KCTD10: variants seen among roughly 807,000 people sequenced by gnomAD.
KCTD10 encodes the protein BTB/POZ domain-containing adapter for CUL3-mediated RhoA degradation protein 3.
Under a neutral mutation model 34.6 loss-of-function variants are expected in KCTD10, and 13 were observed. That is an observed-to-expected ratio of 0.38 (90% confidence interval 0.24 to 0.60). The LOEUF (loss-of-function observed/expected upper bound fraction) is 0.60. KCTD10 is among the 20% of genes least tolerant of loss of function. KCTD10 has a pLI of 0.66. For missense variants in KCTD10, 256 were observed against 420.3 expected (o/e 0.61, Z 3.42); for synonymous variants, 156 against 168.8 (o/e 0.92, Z 0.59).
intron 6 of KCTD10, among the ~76,000 whole-genome samples, chr12:109,452,822 G>A (rs1162222023): frequency 2.1e-5 from 3 of 143,926 alleles, no homozygotes; most frequent in Non-Finnish European, 4.5e-5. Context: ...AGAGAGGCTG[G>A]GAGGAAATCC....
rs112160404 is a variant in KCTD10 at position 109,460,326 on chromosome 12, A to G, written c.387+310T>C. The G allele has an allele frequency of 2.0e-5, 6 of 301,586 alleles. 1 individual carries two copies. The highest frequency in any genetic ancestry group is 1.1e-4 in the African/African-American group (5 of 46,600). 18.7% of individuals were successfully genotyped at this position (301,586 alleles called of 1,614,324 possible). A position where few individuals can be genotyped will look rare whatever the true frequency, so the allele number is the denominator to read the frequency against. The stretch of plus-strand genomic sequence containing the variant: ...GACTTGTGGGACTAGAGTAAGCCCT[A>G]AGATTGGTCCCGAACACCGACCAAG... On this transcript the variant is annotated intron_variant, in intron 3 of 6. Coordinates refer to ENST00000228495, the MANE Select transcript of KCTD10 (RefSeq NM_031954.5). The surrounding 1 kb of genome is among the most constrained non-coding windows in gnomAD (Gnocchi z 4.5).
chr12:109,464,120 C>T (rs780035801), intron 2 of KCTD10, among the ~76,000 whole-genome samples: 10 of 152,212 alleles, frequency 6.6e-5, no homozygotes, highest in Admixed American at 1.3e-4. Context: ...CCACCACCTC[C>T]AGGGAACCTT....
intron 6 of KCTD10, 39 bp downstream of exon 6, chr12:109,456,079 C>T: frequency 6.3e-7 from 1 of 1,597,654 alleles, no homozygotes; most frequent in Non-Finnish European, 8.6e-7. Context: ...GTGTGTGTTT[C>T]AGAACAGCCA....
chr12:109,466,351 C>T (rs997652232), intron 2 of KCTD10, among the ~76,000 whole-genome samples: 2 of 152,228 alleles, frequency 1.3e-5, no homozygotes, highest in Non-Finnish European at 2.9e-5. Context: ...CTGTGGCAAG[C>T]GCTTTCTCAT....
At chr12:109,475,244 C>T (rs1874102189) in intron 1 of KCTD10, among the ~76,000 whole-genome samples, 1 of 151,868 alleles carries the variant, frequency 6.6e-6, no homozygotes. Context: ...GAGGCTGAGG[C>T]GGGAGGATTG....
At chr12:109,458,276 C>A in intron 3 of KCTD10, 198 bp from the exon 4 acceptor site, 1 of 568,998 alleles carries the variant, frequency 1.8e-6, no homozygotes. Context: ...TTGGCTATGA[C>A]CATGATAGGC....
At chr12:109,462,402 A>T (rs920149944) in intron 2 of KCTD10, among the ~76,000 whole-genome samples, 4 of 152,248 alleles carry the variant, frequency 2.6e-5, no homozygotes, top group African/African-American at 9.6e-5. Flanking sequence ...GGGGAAATGC[A>T]ATACAAATGT....
intron 5 of KCTD10, 85 bp from the exon 6 acceptor site, chr12:109,456,398 T>C (rs757204887): frequency 1.7e-6 from 2 of 1,173,732 alleles, no homozygotes; most frequent in African/African-American, 3.0e-5. Flanking sequence ...AGGGCCCTAC[T>C]GAGCCCACTT....
At position 109,451,424 on chromosome 12, in the gene KCTD10, G is replaced by A; in HGVS notation, c.*171C>T. 1 of 633,660 alleles carries A rather than the reference G, an allele frequency of 1.6e-6. No individual in the cohort carries two copies. Among genetic ancestry groups the A allele is most frequent in the South Asian group, 2.2e-5 (1 of 45,934 alleles). 39.3% of individuals were successfully genotyped at this position (633,660 alleles called of 1,614,324 possible). Reference sequence around the variant, plus strand: ...GACAGGGGTCATACGCCTGGGTCAAGACAATCAATTTGCCTTGTCAAGCAA... The same window carrying A: ...GACAGGGGTCATACGCCTGGGTCAAAACAATCAATTTGCCTTGTCAAGCAA... On this transcript the variant is annotated 3_prime_UTR_variant, in exon 7 of 7. Coordinates refer to ENST00000228495, the MANE Select transcript of KCTD10 (RefSeq NM_031954.5). This position sits in a 1 kb window ranked among gnomAD's most constrained non-coding sequence, Gnocchi z 5.0.
Position 109,456,352 on chromosome 12 carries a change from A to G in KCTD10, c.528-39T>C, listed in dbSNP as rs774760238. ...TTTGATACGGTGACCACAAGCTGGT[A>G]AAAACTGCCATCATTTGCTGGGCCC... On this transcript the variant is annotated intron_variant, in intron 5 of 6. Coordinates refer to ENST00000228495, the MANE Select transcript of KCTD10 (RefSeq NM_031954.5). 2.5e-6 allele frequency: 4 copies of G among 1,590,058 alleles called. No homozygotes were observed. In the South Asian group the frequency reaches 3.3e-5, roughly 13 times the overall value.
chr12:109,451,919 G>T lies in KCTD10; in HGVS notation c.724-106C>A. The stretch of plus-strand genomic sequence containing the variant: ...GGCTAAATCAGGCCCCTGGGATTCT[G>T]CTGAAGGCCACCAGTATTATTTTTA... On this transcript the variant is annotated intron_variant, in intron 6 of 6. Transcript: ENST00000228495. The surrounding 1 kb of genome is among the most constrained non-coding windows in gnomAD (Gnocchi z 5.0). 3 of 800,754 alleles carry T rather than the reference G, an allele frequency of 3.7e-6. No individual in the cohort carries two copies. Among genetic ancestry groups the T allele is most frequent in the Non-Finnish European group, 5.7e-6 (3 of 528,288 alleles). 49.6% of individuals were successfully genotyped at this position (800,754 alleles called of 1,614,324 possible).
intron 1 of KCTD10, 55 bp from the exon 2 acceptor site, chr12:109,469,783 G>A: frequency 6.3e-7 from 1 of 1,598,438 alleles, no homozygotes; most frequent in South Asian, 1.1e-5. Flanking sequence ...ACTGCTTTCA[G>A]CCTGTGGATT....
intron 6 of KCTD10, among the ~76,000 whole-genome samples, chr12:109,453,703 G>T (rs1465790197): frequency 1.3e-5 from 2 of 152,156 alleles, no homozygotes; most frequent in Non-Finnish European, 1.5e-5. Context: ...GGCAAAGGGG[G>T]AATAACCAAA....
chr12:109,459,413 A>G (rs918288979), intron 3 of KCTD10: 4 of 152,220 alleles, frequency 2.6e-5, no homozygotes, highest in Non-Finnish European at 5.9e-5. Context: ...ACACACCACT[A>G]TGAGACCGCT....
Position 109,460,702 on chromosome 12 carries a change from C to T in KCTD10, c.321G>A (p.Glu107=). ...PLPESRREIE[E]LLAEAKYYLV... ...GGTAGTACTTGGCTTCTGCTAGCAGCTCCTCGATCTCCCGGCGGCTCTCGG... is the reference window on the plus strand; with the variant it reads ...GGTAGTACTTGGCTTCTGCTAGCAGTTCCTCGATCTCCCGGCGGCTCTCGG... Residue 107 remains glutamate (E), a synonymous_variant, in exon 3 of 7, where the codon GAG becomes GAA. Transcript: ENST00000228495. The surrounding 1 kb of genome is among the most constrained non-coding windows in gnomAD (Gnocchi z 4.5). The T allele has an allele frequency of 1.9e-6, 3 of 1,614,180 alleles. No homozygotes were observed. The highest frequency in any genetic ancestry group is 2.5e-6 in the Non-Finnish European group (3 of 1,180,024).
At position 109,456,241 on chromosome 12, in the gene KCTD10, G is replaced by A. The variant is rs1873011997; in HGVS notation, c.600C>T (p.Val200=). The change falls in exon 6 of 7, where the codon GTC becomes GTT. Residue 200 remains valine (V), a synonymous_variant. Transcript: ENST00000228495. ...CCCCAATAACATCCTTTATGAACAGGACCCTTCCGTTAAAGCGCAGAGACA... is the reference window on the plus strand; with the variant it reads ...CCCCAATAACATCCTTTATGAACAGAACCCTTCCGTTAAAGCGCAGAGACA... ...DKLSLRFNGR[V]LFIKDVIGDE... The A allele has an allele frequency of 1.2e-6, 2 of 1,614,154 alleles. No homozygotes were observed. The highest frequency in any genetic ancestry group is 1.7e-6 in the Non-Finnish European group (2 of 1,180,030).
intron 6 of KCTD10, among the ~76,000 whole-genome samples, chr12:109,452,845 C>CTTTTT (rs746503433): frequency 4.9e-5 from 7 of 143,764 alleles, no homozygotes; most frequent in Non-Finnish European, 6.0e-5. Flanking sequence ...GTTTTCTTTC[C>CTTTTT]TTTTTTTTTA....
chr12:109,476,034 C>T (rs1339149812), intron 1 of KCTD10, among the ~76,000 whole-genome samples: 1 of 152,196 alleles, frequency 6.6e-6, no homozygotes, highest in African/African-American at 2.4e-5. Flanking sequence ...CCCTCTGACT[C>T]CCAACTCCTT....
intron 6 of KCTD10, among the ~76,000 whole-genome samples, chr12:109,454,352 A>G (rs1434741554): frequency 6.6e-6 from 1 of 152,246 alleles, no homozygotes; most frequent in African/African-American, 2.4e-5. Context: ...TTGAGAACTG[A>G]CAAATACAAT....
Sources: allele counts gnomAD v4.1 joint callset (sites outside exome capture counted in the v4.1 genomes callset), GRCh38; gene constraint gnomAD v4.1.1; non-coding constraint Gnocchi (gnomAD v3.1); transcripts MANE v1.5; gene names NCBI Gene and HGNC (gene_info 2026-07-23, HGNC 2026-07-21).